The following RBFOX1 variants were observed in gnomAD, a reference collection of about 807,000 sequenced individuals.
RBFOX1 encodes the protein RNA binding fox-1 homolog 1.
In RBFOX1, 8 loss-of-function variants were observed where a neutral mutation model predicts 57.7. The observed-to-expected ratio is 0.14, with a 90% CI of 0.08 to 0.25. The LOEUF (loss-of-function observed/expected upper bound fraction) is 0.25. Ranked by LOEUF, RBFOX1 falls within the 10% of genes least tolerant of loss-of-function variation. The pLI is 1.00. For synonymous variants in RBFOX1, 326 were observed against 222.4 expected, an observed-to-expected ratio of 1.47 and a Z score of -4.15; for missense variants, 611 against 548.5, an observed-to-expected ratio of 1.11 and a Z score of -1.14.
At chr16:6,918,614 A>C (rs2073785457) in intron 3 of RBFOX1, among the ~76,000 whole-genome samples, 1 of 152,124 alleles carries the variant, frequency 6.6e-6, no homozygotes, top group African/African-American at 2.4e-5. Context: ...ATCTTACCCA[A>C]ATCTCATACC....
chr16:6,115,239 G>C lies in RBFOX1; in HGVS notation c.-127+95247G>C, dbSNP rs146537950. ...TCCTGCCAGTCTCCTACCTAACTAG[G>C]ATTCTTGTAAGAAATAGTTGGCATA... On this transcript the variant is annotated intron_variant, in intron 1 of 15. Coordinates refer to ENST00000550418, the MANE Select transcript of RBFOX1 (RefSeq NM_018723.4). Among the ~76,000 whole-genome samples the C allele has an allele frequency of 6.4e-4, 97 of 152,216 alleles. No homozygotes were observed. In the East Asian group the frequency reaches 0.017, roughly 27 times the overall value.
intron 5 of RBFOX1, among the ~76,000 whole-genome samples, chr16:7,542,623 G>T (rs149588737): frequency 1.6e-3 from 239 of 149,860 alleles, no homozygotes; most frequent in African/African-American, 5.6e-3. Context: ...GGGAGGCCAA[G>T]GCGGGTGGAT....
At chr16:5,480,817 A>T (rs1384065601) in intron 2 of RBFOX1, among the ~76,000 whole-genome samples, 2 of 152,226 alleles carry the variant, frequency 1.3e-5, no homozygotes, top group African/African-American at 4.8e-5. Context: ...CACCAAGTGG[A>T]TGTACCATGA....
At chr16:5,959,938 C>G (rs561663695) in intron 4 of RBFOX1, among the ~76,000 whole-genome samples, 1 of 152,206 alleles carries the variant, frequency 6.6e-6, no homozygotes. Flanking sequence ...CGGTGGCTCA[C>G]GCCTGTAATC....
intron 3 of RBFOX1, among the ~76,000 whole-genome samples, chr16:5,732,934 G>A (rs2052434914): frequency 6.6e-6 from 1 of 152,168 alleles, no homozygotes; most frequent in South Asian, 2.1e-4. Context: ...TATCCAAGGA[G>A]TCAACTTGGT....
chr16:6,584,388 G>C (rs1400016785), intron 2 of RBFOX1, among the ~76,000 whole-genome samples: 2 of 132,562 alleles, frequency 1.5e-5, no homozygotes, highest in Non-Finnish European at 3.2e-5. Flanking sequence ...TTATTATTGA[G>C]ACATGGTCTT....
At chr16:7,275,631 C>T (rs2178722) in intron 4 of RBFOX1, among the ~76,000 whole-genome samples, 104 of 152,312 alleles carry the variant, frequency 6.8e-4, no homozygotes, top group African/African-American at 2.4e-3. Context: ...GAAATCTGTG[C>T]AAATGATGAG....
chr16:5,889,632 C>G (rs750197393), intron 4 of RBFOX1, among the ~76,000 whole-genome samples: 4 of 152,210 alleles, frequency 2.6e-5, no homozygotes, highest in Admixed American at 6.5e-5. Flanking sequence ...GCAGGACAAG[C>G]AGACTCCACA....
At chr16:5,932,316 C>A (rs542009196) in intron 4 of RBFOX1, among the ~76,000 whole-genome samples, 1 of 152,294 alleles carries the variant, frequency 6.6e-6, no homozygotes, top group East Asian at 1.9e-4. Context: ...CTGAGGGCTG[C>A]CCTTGTCTGA....
chr16:6,222,987 G>A (rs981708536), intron 1 of RBFOX1, among the ~76,000 whole-genome samples: 1 of 150,746 alleles, frequency 6.6e-6, no homozygotes, highest in Non-Finnish European at 1.5e-5. Flanking sequence ...TACTGAGAAT[G>A]ATGATTTCCA....
At position 5,647,596 on chromosome 16, in the gene RBFOX1, C is replaced by G. The variant is rs138505733; in HGVS notation, c.318+48635C>G. Among the ~76,000 whole-genome samples, 1,499 of 152,240 alleles carry G rather than the reference C, an allele frequency of 9.8e-3. 25 individuals are homozygous for G. The highest frequency in any genetic ancestry group is 0.034 in the African/African-American group (1,429 of 41,534). Reference sequence around the variant, plus strand: ...TCTTCTCCTTTCCCTTTCCCCATTTCTCCAGTGTGGGAAAGGAGAAAAAGA... The same window carrying G: ...TCTTCTCCTTTCCCTTTCCCCATTTGTCCAGTGTGGGAAAGGAGAAAAAGA... On this transcript the variant is annotated intron_variant, in intron 3 of 19. Coordinates refer to the RBFOX1 transcript ENST00000641259.
chr16:7,502,575 CT>C (rs1199700517), intron 4 of RBFOX1, among the ~76,000 whole-genome samples: 1 of 151,946 alleles, frequency 6.6e-6, no homozygotes, highest in Non-Finnish European at 1.5e-5. Flanking sequence ...GAGGCATAAA[CT>C]TTTTTGTTTG....
At position 6,839,956 on chromosome 16, in the gene RBFOX1, T is replaced by A. The variant is rs116709866; in HGVS notation, c.-16+185306T>A. Among the ~76,000 whole-genome samples the A allele has an allele frequency of 8.1e-3, 1,235 of 152,342 alleles. 16 individuals carry two copies. The highest frequency in any genetic ancestry group is 0.028 in the African/African-American group (1,172 of 41,574). ...GCTTTAACGTATGATGAGCCTGTTT[T>A]CCTGTTTTCTTTTTAAAATAACGAA... On this transcript the variant is annotated intron_variant, in intron 3 of 15. Coordinates refer to ENST00000550418, the MANE Select transcript of RBFOX1 (RefSeq NM_018723.4).
intron 4 of RBFOX1, among the ~76,000 whole-genome samples, chr16:7,267,809 T>C (rs2153098641): frequency 6.6e-6 from 1 of 152,262 alleles, no homozygotes; most frequent in South Asian, 2.1e-4. Flanking sequence ...TGACCTGAGA[T>C]TGTGCCACTG....
intron 4 of RBFOX1, among the ~76,000 whole-genome samples, chr16:7,186,110 A>T (rs1375308461): frequency 6.6e-6 from 1 of 152,020 alleles, no homozygotes; most frequent in African/African-American, 2.4e-5. Context: ...TTAATTGCAC[A>T]GATATGTACA....
intron 3 of RBFOX1, among the ~76,000 whole-genome samples, chr16:5,720,874 A>G (rs1052827223): frequency 6.6e-6 from 1 of 152,168 alleles, no homozygotes; most frequent in Non-Finnish European, 1.5e-5. Context: ...TGAGTCTCCA[A>G]CTTTGTTCTT....
At chr16:6,806,836 A>ATAAATATATATATATATATATATATATAT (rs754342591) in intron 3 of RBFOX1, among the ~76,000 whole-genome samples, 1 of 91,904 alleles carries the variant, frequency 1.1e-5, no homozygotes, top group Non-Finnish European at 2.1e-5. Flanking sequence ...ATATATATAT[A>ATAAATATATATATATATATATATATATAT]TTTTTTTTTT....
chr16:5,904,234 T>C (rs567993336), intron 4 of RBFOX1, among the ~76,000 whole-genome samples: 2 of 152,180 alleles, frequency 1.3e-5, no homozygotes, highest in East Asian at 3.9e-4. Context: ...TTCTTCCCAC[T>C]GTGAAAAACT....
chr16:5,694,500 G>T (rs1245046241), intron 3 of RBFOX1, among the ~76,000 whole-genome samples: 7 of 152,092 alleles, frequency 4.6e-5, no homozygotes, highest in African/African-American at 1.7e-4. Context: ...GGGTGATTTG[G>T]AGGACCAGCT....
Sources: gnomAD v4.1 joint callset for allele counts (sites outside exome capture counted in the v4.1 genomes callset) on GRCh38, gnomAD v4.1.1 for gene constraint, MANE v1.5 for transcripts, NCBI Gene and HGNC (gene_info 2026-07-23, HGNC 2026-07-21) for gene names.